ZMYM4: variants seen among roughly 807,000 people sequenced by gnomAD.
ZMYM4 encodes zinc finger MYM-type protein 4.
ZMYM4 carries 31 observed loss-of-function variants against 183.2 expected under a neutral mutation model. That is an observed-to-expected ratio of 0.17 (90% CI 0.13 to 0.23). The LOEUF (loss-of-function observed/expected upper bound fraction) is 0.23, where lower values mean the gene tolerates loss of function less well. Ranked by LOEUF, ZMYM4 falls within the 10% of genes least tolerant of loss-of-function variation. ZMYM4 has a pLI of 1.00. For missense variants in ZMYM4, 1,273 were observed against 1,840.3 expected, an observed-to-expected ratio of 0.69 and a Z score of 5.64; for synonymous variants, 592 against 631.2, an observed-to-expected ratio of 0.94 and a Z score of 0.93.
At position 35,314,303 on chromosome 1, in the gene ZMYM4, GA is replaced by G. The variant is rs935317724; in HGVS notation, c.40-11056del. Among the ~76,000 whole-genome samples, 175 of 143,792 alleles carry G rather than the reference GA, an allele frequency of 1.2e-3. 1 individual carries two copies. Among genetic ancestry groups the G allele is most frequent in the African/African-American group, 4.3e-3 (169 of 38,888 alleles). 94.3% of individuals were successfully genotyped at this position (143,792 alleles called of 152,430 possible). A position where few individuals can be genotyped will look rare whatever the true frequency, so the allele number is the denominator to read the frequency against. ...AAAAATAGTTTACTCTTTTTTTTTT[GA>G]GACGGAGTCTTGCTCTGTCTCCCAG... On this transcript the variant is annotated intron_variant, in intron 1 of 29. Transcript: ENST00000314607.
At chr1:35,277,921 G>T (rs993398772) in intron 1 of ZMYM4, among the ~76,000 whole-genome samples, 1 of 152,090 alleles carries the variant, frequency 6.6e-6, no homozygotes, top group African/African-American at 2.4e-5. Flanking sequence ...TGTTCAATTT[G>T]TTGTATCTTT....
At chr1:35,324,330 C>G (rs1451835756) in intron 1 of ZMYM4, among the ~76,000 whole-genome samples, 1 of 152,060 alleles carries the variant, frequency 6.6e-6, no homozygotes, top group East Asian at 1.9e-4. Context: ...ATCTCCTGAC[C>G]TTGTGATCCG....
chr1:35,284,435 T>G (rs1456075022), intron 1 of ZMYM4, among the ~76,000 whole-genome samples: 1 of 152,238 alleles, frequency 6.6e-6, no homozygotes, highest in East Asian at 1.9e-4. Flanking sequence ...AATTTAGGTC[T>G]TTAATCCATC....
intron 26 of ZMYM4, among the ~76,000 whole-genome samples, chr1:35,411,116 G>T (rs1639871500): frequency 6.6e-6 from 1 of 150,910 alleles, no homozygotes. Flanking sequence ...TGATACCATT[G>T]TAGAAAATCT....
rs150046438 is a variant in ZMYM4, at chr1:35,421,071, T to C, written c.*1394T>C. 37 of 152,572 alleles carry C rather than the reference T, an allele frequency of 2.4e-4. No individual in the cohort carries two copies. The East Asian group carries it at 6.4e-3, about 26-fold the overall frequency. The allele number at this position is 152,572 out of a possible 1,614,324, so 9.5% of individuals were successfully genotyped here. ...TCTTCAGCTAAGGTTAATTTGACGC[T>C]ATGATAAAACTGAGAGATGTCAAAA... On this transcript the variant is annotated 3_prime_UTR_variant, in exon 30 of 30. Transcript: ENST00000314607.
At chr1:35,306,505 T>C (rs1641540387) in intron 1 of ZMYM4, among the ~76,000 whole-genome samples, 1 of 152,198 alleles carries the variant, frequency 6.6e-6, no homozygotes, top group Non-Finnish European at 1.5e-5. Context: ...TTTGTTTCAT[T>C]TTATTTTTTA....
At chr1:35,319,746 G>A (rs975000264) in intron 1 of ZMYM4, among the ~76,000 whole-genome samples, 2 of 152,162 alleles carry the variant, frequency 1.3e-5, no homozygotes, top group Admixed American at 6.6e-5. Flanking sequence ...AACAGGGAAA[G>A]ACTAACATTA....
At chr1:35,401,790 T>C (rs1644913999) in intron 23 of ZMYM4, among the ~76,000 whole-genome samples, 1 of 152,204 alleles carries the variant, frequency 6.6e-6, no homozygotes, top group Admixed American at 6.5e-5. Context: ...ATATATGAGT[T>C]GAGACAAGGG....
At chr1:35,407,168 T>A (rs942513578) in intron 25 of ZMYM4, among the ~76,000 whole-genome samples, 4 of 152,162 alleles carry the variant, frequency 2.6e-5, no homozygotes, top group African/African-American at 9.7e-5. Flanking sequence ...GTGTAGTGGC[T>A]TATACTTGTA....
chr1:35,337,565 A>C (rs188613685), intron 2 of ZMYM4, among the ~76,000 whole-genome samples: 1 of 152,312 alleles, frequency 6.6e-6, no homozygotes, highest in Non-Finnish European at 1.5e-5. Context: ...CTTTTTCTCT[A>C]AAGGGCCAGA....
intron 2 of ZMYM4, among the ~76,000 whole-genome samples, chr1:35,350,357 T>C (rs500502): frequency 0.33 from 50,136 of 151,862 alleles, 13,996 homozygotes; most frequent in East Asian, 0.77. Context: ...GGCACAATCT[T>C]GGCTCACTGC....
At chr1:35,410,309 G>T (rs1481462086) in intron 26 of ZMYM4, among the ~76,000 whole-genome samples, 1 of 151,998 alleles carries the variant, frequency 6.6e-6, no homozygotes, top group Non-Finnish European at 1.5e-5. Flanking sequence ...ATTTTTAATT[G>T]AATTGTCTTT....
intron 1 of ZMYM4, among the ~76,000 whole-genome samples, chr1:35,274,306 T>G (rs568786664): frequency 9.9e-5 from 15 of 152,236 alleles, no homozygotes; most frequent in Admixed American, 9.8e-4. Flanking sequence ...GAGGGATCTG[T>G]AAATAATAAT....
chr1:35,390,018 A>G lies in ZMYM4; in HGVS notation c.2507A>G (p.Lys836Arg). ...SESLKWRGEM[K>R]HFCNLLCILM... ...TCCTTGAAATGGCGAGGGGAAATGA[A>G]ACATTTCTGTAACCTGCTTTGTATC... Residue 836 changes from lysine to arginine, a missense_variant, in exon 15 of 30, where the codon AAA (lysine) becomes AGA (arginine). By Grantham distance (26) the Lys-to-Arg change is conservative. Transcript: ENST00000314607. The G allele has an allele frequency of 6.2e-7, 1 of 1,613,974 alleles. No homozygotes were observed. The highest frequency in any genetic ancestry group is 8.5e-7 in the Non-Finnish European group (1 of 1,179,938).
chr1:35,368,004 A>G (rs576589780), intron 5 of ZMYM4, among the ~76,000 whole-genome samples: 42 of 151,964 alleles, frequency 2.8e-4, no homozygotes, highest in Admixed American at 1.4e-3. Context: ...AAATGAGTAA[A>G]TTCCAAATGG....
chr1:35,306,163 A>G (rs1028333831), intron 1 of ZMYM4, among the ~76,000 whole-genome samples: 3 of 152,036 alleles, frequency 2.0e-5, no homozygotes, highest in Middle Eastern at 3.4e-3. Flanking sequence ...TCACTGTTCT[A>G]TTTTGAGTAT....
intron 1 of ZMYM4, among the ~76,000 whole-genome samples, chr1:35,299,426 G>C (rs911920822): frequency 6.6e-6 from 1 of 152,166 alleles, no homozygotes; most frequent in East Asian, 1.9e-4. Context: ...GAGCATAGGG[G>C]CTCAAGGGTG....
chr1:35,287,015 G>A (rs1640535082), intron 1 of ZMYM4, among the ~76,000 whole-genome samples: 2 of 151,594 alleles, frequency 1.3e-5, no homozygotes, highest in South Asian at 2.1e-4. Flanking sequence ...GCTTTTCAGA[G>A]ATTATTTTAT....
chr1:35,351,929 TTAAAA>T (rs1643621595), intron 2 of ZMYM4, among the ~76,000 whole-genome samples: 1 of 152,198 alleles, frequency 6.6e-6, no homozygotes, highest in Non-Finnish European at 1.5e-5. Context: ...CTTAAATTAC[TTAAAA>T]TAACTTTATT....
Sources: gnomAD v4.1 joint callset for allele counts (sites outside exome capture counted in the v4.1 genomes callset) on GRCh38, gnomAD v4.1.1 for gene constraint, MANE v1.5 for transcripts, NCBI Gene and HGNC (gene_info 2026-07-23, HGNC 2026-07-21) for gene names.